DNMBP: variants seen among roughly 807,000 people sequenced by gnomAD.
DNMBP encodes dynamin-binding protein.
Under a neutral mutation model 150.0 loss-of-function variants are expected in DNMBP, and 87 were observed. The observed-to-expected ratio is 0.58, with a 90% CI of 0.49 to 0.69. DNMBP has a LOEUF of 0.69. Among genes scored for constraint, DNMBP ranks in the 30% least tolerant of loss-of-function variants. The probability of loss-of-function intolerance (pLI) is 0.00; values close to 1 mark genes in which losing one functional copy is unlikely to be tolerated. For synonymous variants in DNMBP, 711 were observed against 750.4 expected, an observed-to-expected ratio of 0.95 and a Z score of 0.86; for missense variants, 1,774 against 1,949.0, an observed-to-expected ratio of 0.91 and a Z score of 1.69.
At chr10:99,938,810 A>T (rs2040262414) in intron 4 of DNMBP, among the ~76,000 whole-genome samples, 1 of 152,192 alleles carries the variant, frequency 6.6e-6, no homozygotes, top group Non-Finnish European at 1.5e-5. Context: ...TGACTTTTCT[A>T]CTTTTCTCAA....
chr10:99,978,688 C>A (rs562806776), intron 1 of DNMBP, among the ~76,000 whole-genome samples: 147 of 152,214 alleles, frequency 9.7e-4, no homozygotes, highest in South Asian at 4.6e-3. Context: ...AGGTGATCAT[C>A]CCACCTCAGC....
chr10:99,890,248 T>C (rs181198403), intron 11 of DNMBP, among the ~76,000 whole-genome samples: 18 of 152,346 alleles, frequency 1.2e-4, no homozygotes, highest in African/African-American at 3.6e-4. Context: ...TCAGCCCATA[T>C]GCCAATGTAG....
chr10:99,898,097 C>A lies in DNMBP; in HGVS notation c.2909G>T (p.Arg970Leu). The A allele has an allele frequency of 6.2e-7, 1 of 1,613,926 alleles. No individual in the cohort carries two copies. The highest frequency in any genetic ancestry group is 2.2e-5 in the East Asian group (1 of 44,884). The change falls in exon 9 of 17, where the codon CGA becomes CTA. Residue 970 changes from arginine to leucine, a missense_variant. By Grantham distance (102) the Arg-to-Leu change is moderately radical (BLOSUM62 -2). Transcript: ENST00000324109. The part of the protein sequence containing the change: ...INVNINEYKR[R>L]KDLVLKYRKG... ...TATGCTGTTCTTACCCAGGTCCTTT[C>A]GCCGTTTATATTCATTAATGTTAAC...
chr10:100,009,835 G>T lies in DNMBP; in HGVS notation c.-11+3C>A. ...CCGGCTCCGGCCTGGCCCGGCCTCT[G>T]ACCTGCTTTCCGCCGCCCGGCGGTC... is the stretch of plus-strand genomic sequence containing the variant. On this transcript the variant is annotated splice_donor_region_variant and intron_variant, in intron 1 of 16. Transcript: ENST00000324109. 1 of 148,334 alleles carries T rather than the reference G, an allele frequency of 6.7e-6. No homozygotes were observed. The highest frequency in any genetic ancestry group is 2.1e-4 in the South Asian group (1 of 4,862). 9.2% of individuals were successfully genotyped at this position (148,334 alleles called of 1,614,324 possible). A position where few individuals can be genotyped will look rare whatever the true frequency, so the allele number is the denominator to read the frequency against.
chr10:99,909,615 G>T (rs149582435), intron 4 of DNMBP, among the ~76,000 whole-genome samples: 44 of 152,230 alleles, frequency 2.9e-4, no homozygotes, highest in African/African-American at 9.9e-4. Context: ...TAAAAAATAA[G>T]AAATTATCCA....
chr10:99,955,742 A>C lies in DNMBP; in HGVS notation c.1732T>G (p.Ser578Ala). ...TTCTCAGAGTTAAAGTCCATGATTG[A>C]AAAGTGGCGTAAAATTTTATCTGGC... is the stretch of plus-strand genomic sequence containing the variant. ...TEPDKILRHF[S>A]IMDFNSEKDI... is the part of the protein sequence containing the mutation. Residue 578 changes from serine to alanine, a missense_variant, in exon 4 of 17, where the codon TCA becomes GCA. Transcript: ENST00000324109. 1.2e-6 allele frequency: 2 copies of C among 1,614,242 alleles called. No individual in the cohort carries two copies.
At position 99,879,800 on chromosome 10, in the gene DNMBP, T is replaced by C; in HGVS notation, c.4548+11A>G. The C allele has an allele frequency of 1.9e-6, 3 of 1,613,330 alleles. No homozygotes were observed. Among genetic ancestry groups the C allele is most frequent in the Middle Eastern group, 1.7e-4 (1 of 6,008 alleles). On this transcript the variant is annotated intron_variant, in intron 16 of 16. Transcript: ENST00000324109. ...GCCTGTGCCACAGTGGCAGGCCTCT[T>C]ACGCACTCACCTGGTTGCCTTCTGC...
chr10:99,929,634 A>G, intron 4 of DNMBP: 1 of 688,994 alleles, frequency 1.5e-6, no homozygotes. Flanking sequence ...GTTTTGCACG[A>G]ACTCTGAGCG....
chr10:99,970,971 CAAAAAAAAAA>C lies in DNMBP; in HGVS notation c.145+999_145+1008del, dbSNP rs532226561. 3.5e-3 allele frequency among the ~76,000 whole-genome samples: 117 copies of C among 33,192 alleles called. 1 individual carries two copies. Among genetic ancestry groups the C allele is most frequent in the African/African-American group, 9.6e-3 (97 of 10,060 alleles). 21.8% of individuals were successfully genotyped at this position (33,192 alleles called of 152,430 possible). A position where few individuals can be genotyped will look rare whatever the true frequency, so the allele number is the denominator to read the frequency against. On this transcript the variant is annotated intron_variant, in intron 2 of 16. Coordinates refer to ENST00000324109, the MANE Select transcript of DNMBP (RefSeq NM_015221.4). ...TGGGCAACAGAGCAAGACTCCGTCT[CAAAAAAAAAA>C]AAAAAAAAAAAAAAAAAGGAAAGCA...
chr10:99,895,121 G>GA, intron 10 of DNMBP, 71 bp from the exon 11 acceptor site: 1 of 632,846 alleles, frequency 1.6e-6, no homozygotes, highest in Non-Finnish European at 2.4e-6. Flanking sequence ...AAAGTAGCTT[G>GA]CTTTTTTTTT....
chr10:99,967,656 T>C (rs1349326784), intron 3 of DNMBP, among the ~76,000 whole-genome samples: 2 of 150,260 alleles, frequency 1.3e-5, no homozygotes, highest in Non-Finnish European at 3.0e-5. Flanking sequence ...AGAAGTTTGA[T>C]AGGTTTTTCT....
chr10:99,992,433 G>A (rs2040905850), intron 1 of DNMBP, among the ~76,000 whole-genome samples: 1 of 151,554 alleles, frequency 6.6e-6, no homozygotes, highest in Admixed American at 6.6e-5. Context: ...TGTAAAATGG[G>A]TTTAATAATA....
At position 99,880,069 on chromosome 10, in the gene DNMBP, A is replaced by G. The variant is rs748685815; in HGVS notation, c.4290T>C (p.Ser1430=). The change falls in exon 16 of 17, where the codon AGT becomes AGC. Residue 1430 remains serine (S), a synonymous_variant. Coordinates refer to ENST00000324109, the MANE Select transcript of DNMBP (RefSeq NM_015221.4). ...CTGGGTCTGAAGGGCATCTGGAAGG[A>G]CTACTCTCTGAATTACTCGGATTTA... ...ASLNPSNSES[S]PSRCPSDPDS... is the part of the protein sequence containing the mutation. 1.9e-6 allele frequency: 3 copies of G among 1,614,048 alleles called. No individual in the cohort carries two copies. Among genetic ancestry groups the G allele is most frequent in the Admixed American group, 3.3e-5 (2 of 59,994 alleles).
chr10:99,887,051 TTCA>T, intron 12 of DNMBP, among the ~76,000 whole-genome samples: 1 of 152,194 alleles, frequency 6.6e-6, no homozygotes, highest in South Asian at 2.1e-4. Flanking sequence ...TGGAATAACT[TTCA>T]TACACTCATA....
chr10:99,894,804 A>G (rs111257572), intron 11 of DNMBP, 142 bp downstream of exon 11: 2 of 615,950 alleles, frequency 3.2e-6, no homozygotes, highest in African/African-American at 1.8e-5. Flanking sequence ...ACCTACTGGC[A>G]TCTCAACAAA....
chr10:99,899,417 C>T (rs561329988), intron 7 of DNMBP, among the ~76,000 whole-genome samples: 1 of 152,190 alleles, frequency 6.6e-6, no homozygotes, highest in African/African-American at 2.4e-5. Flanking sequence ...AGGTGGCCAA[C>T]ACGGTGAAAC....
intron 3 of DNMBP, among the ~76,000 whole-genome samples, chr10:99,961,203 G>C (rs190388559): frequency 0.059 from 8,658 of 146,818 alleles, 344 homozygotes; most frequent in Admixed American, 0.095. Context: ...TTTCCAAACT[G>C]ACTTCTGCTG....
intron 4 of DNMBP, among the ~76,000 whole-genome samples, chr10:99,912,268 G>A (rs2039909579): frequency 6.6e-6 from 1 of 151,992 alleles, no homozygotes; most frequent in African/African-American, 2.4e-5. Context: ...AAAGGTCAGG[G>A]GCTTATTTGC....
chr10:99,944,697 G>T (rs1431048925), intron 4 of DNMBP, among the ~76,000 whole-genome samples: 1 of 144,130 alleles, frequency 6.9e-6, no homozygotes, highest in Non-Finnish European at 1.5e-5. Context: ...ATACCACACG[G>T]AAGCCCACAA....
Sources: gnomAD v4.1 joint callset for allele counts (sites outside exome capture counted in the v4.1 genomes callset) on GRCh38, gnomAD v4.1.1 for gene constraint, MANE v1.5 for transcripts, NCBI Gene and HGNC (gene_info 2026-07-23, HGNC 2026-07-21) for gene names.